MAP3K20: variants seen among roughly 807,000 people sequenced by gnomAD.
The protein encoded by MAP3K20 is mitogen-activated protein kinase kinase kinase 20.
In MAP3K20, 40 loss-of-function variants were observed where a neutral mutation model predicts 85.7. The ratio of observed to expected loss-of-function variants is 0.47; its 90% CI spans 0.36 to 0.61. The LOEUF (loss-of-function observed/expected upper bound fraction) is 0.61. Among genes scored for constraint, MAP3K20 ranks in the 20% least tolerant of loss-of-function variants. The probability of loss-of-function intolerance (pLI) is 0.00; values close to 1 mark genes in which losing one functional copy is unlikely to be tolerated. For synonymous variants in MAP3K20, 325 were observed against 327.7 expected, an observed-to-expected ratio of 0.99 and a Z score of 0.09; for missense variants, 817 against 961.7, an observed-to-expected ratio of 0.85 and a Z score of 1.99.
At chr2:173,262,536 G>C (rs1685321257) in intron 18 of MAP3K20, among the ~76,000 whole-genome samples, 1 of 152,028 alleles carries the variant, frequency 6.6e-6, no homozygotes, top group Non-Finnish European at 1.5e-5. Flanking sequence ...GGATGCAGAA[G>C]TTGTGGTGAG....
At chr2:173,257,690 T>C (rs551212511) in intron 16 of MAP3K20, among the ~76,000 whole-genome samples, 3 of 152,288 alleles carry the variant, frequency 2.0e-5, no homozygotes, top group Admixed American at 6.5e-5. Context: ...TTCTGGGTCA[T>C]AGAATAGGCA....
chr2:173,227,646 C>A (rs550672277), intron 11 of MAP3K20, among the ~76,000 whole-genome samples: 2 of 152,300 alleles, frequency 1.3e-5, no homozygotes, highest in South Asian at 2.1e-4. Flanking sequence ...AACATTAAAA[C>A]CAAAGATTCT....
At chr2:173,176,734 A>G (rs1690171565) in intron 3 of MAP3K20, among the ~76,000 whole-genome samples, 1 of 152,206 alleles carries the variant, frequency 6.6e-6, no homozygotes, top group South Asian at 2.1e-4. Flanking sequence ...AAACACTTCA[A>G]TCAAAAGGCA....
chr2:173,077,785 AAG>A (rs1686907796), intron 1 of MAP3K20, among the ~76,000 whole-genome samples: 1 of 152,258 alleles, frequency 6.6e-6, no homozygotes, highest in African/African-American at 2.4e-5. Flanking sequence ...GGACACAGTA[AAG>A]AGAGAAAAAA....
At position 173,261,068 on chromosome 2, in the gene MAP3K20, A is replaced by G. The variant is rs1300554295; in HGVS notation, c.1482A>G (p.Pro494=). The change falls in exon 18 of 20, where the codon CCA becomes CCG. Residue 494 remains proline, a synonymous_variant. Coordinates refer to ENST00000375213, the MANE Select transcript of MAP3K20 (RefSeq NM_016653.3). ...TCCTAACTTTTGTTTTTCAGCCACC[A>G]TTTGTAATGGAGAAGTGGATTGTAG... is the stretch of plus-strand genomic sequence containing the variant. ...DAEILKMTKP[P]FVMEKWIVGI... 1 of 1,613,426 alleles carries G rather than the reference A, an allele frequency of 6.2e-7. No homozygotes were observed. The highest frequency in any genetic ancestry group is 1.7e-5 in the Admixed American group (1 of 60,000).
rs775907295 is a variant in MAP3K20, at chr2:173,266,716, C to G, written c.2369C>G (p.Ala790Gly). 1 of 1,568,912 alleles carries G rather than the reference C, an allele frequency of 6.4e-7. No individual in the cohort carries two copies. Among genetic ancestry groups the G allele is most frequent in the Non-Finnish European group, 8.6e-7 (1 of 1,158,156 alleles). ...CCCGCCAAAACCAATAAAGAGAGAG[C>G]CAGAGGGGACCACCGTGGATGGAGA... is the stretch of plus-strand genomic sequence containing the variant. ...PSPAKTNKERARGDHRGWRNF is the reference protein window; with the variant it reads ...PSPAKTNKERGRGDHRGWRNF Residue 790 changes from alanine to glycine, a missense_variant, in exon 20 of 20, where the codon GCC becomes GGC. Ala to Gly is a moderately conservative substitution (Grantham distance 60). This residue lies in a region of MAP3K20 where 454 missense variants were observed against 476.9 expected (regional missense o/e 0.95). Coordinates refer to ENST00000375213, the MANE Select transcript of MAP3K20 (RefSeq NM_016653.3).
At chr2:173,235,215 A>C (rs1414565768) in intron 14 of MAP3K20, among the ~76,000 whole-genome samples, 1 of 152,226 alleles carries the variant, frequency 6.6e-6, no homozygotes, top group East Asian at 1.9e-4. Context: ...GTCTGCCAAG[A>C]GGCAGGGGCT....
intron 2 of MAP3K20, among the ~76,000 whole-genome samples, chr2:173,156,200 A>G (rs1689463472): frequency 6.6e-6 from 1 of 152,232 alleles, no homozygotes; most frequent in African/African-American, 2.4e-5. Context: ...GGATTCTTTC[A>G]GCCTTCGTGT....
intron 1 of MAP3K20, among the ~76,000 whole-genome samples, chr2:173,087,538 C>A (rs1348969259): frequency 6.6e-6 from 1 of 152,026 alleles, no homozygotes; most frequent in Non-Finnish European, 1.5e-5. Flanking sequence ...AGTGTCCTAC[C>A]AATGAATGAA....
chr2:173,135,471 G>GT (rs1688774535), intron 2 of MAP3K20, among the ~76,000 whole-genome samples: 1 of 152,234 alleles, frequency 6.6e-6, no homozygotes, highest in East Asian at 1.9e-4. Flanking sequence ...TGAGGAAGAT[G>GT]TGGCTTAACA....
At chr2:173,248,628 T>C (rs541915686) in intron 16 of MAP3K20, among the ~76,000 whole-genome samples, 2 of 152,306 alleles carry the variant, frequency 1.3e-5, no homozygotes, top group African/African-American at 4.8e-5. Context: ...TTGACAGTCC[T>C]GCATACAAGC....
At chr2:173,130,126 C>G (rs1169172968) in intron 2 of MAP3K20, among the ~76,000 whole-genome samples, 1 of 152,196 alleles carries the variant, frequency 6.6e-6, no homozygotes, top group African/African-American at 2.4e-5. Context: ...TATGGTCAAA[C>G]AAGTGCATCT....
chr2:173,212,042 C>T (rs1200104809), intron 10 of MAP3K20: 1 of 152,124 alleles, frequency 6.6e-6, no homozygotes, highest in Non-Finnish European at 1.5e-5. Context: ...ACAGCATTTG[C>T]TCCGTAAATA....
chr2:173,083,079 A>G (rs1439268066), intron 1 of MAP3K20, among the ~76,000 whole-genome samples: 4 of 152,322 alleles, frequency 2.6e-5, no homozygotes, highest in South Asian at 2.1e-4. Flanking sequence ...TATTCTTACC[A>G]TTGCTCTAAC....
chr2:173,125,510 G>GTTT (rs34139392), intron 2 of MAP3K20, among the ~76,000 whole-genome samples: 20 of 149,562 alleles, frequency 1.3e-4, no homozygotes, highest in South Asian at 4.2e-4. Context: ...TGTTAGATGT[G>GTTT]TTTTTTTTTT....
At chr2:173,115,922 G>C (rs552456892) in intron 2 of MAP3K20, among the ~76,000 whole-genome samples, 15 of 151,968 alleles carry the variant, frequency 9.9e-5, no homozygotes, top group Admixed American at 9.8e-4. Context: ...CAGAAACATG[G>C]CTGGGAGGTG....
At chr2:173,233,216 G>A (rs1399060127) in intron 14 of MAP3K20, among the ~76,000 whole-genome samples, 2 of 152,148 alleles carry the variant, frequency 1.3e-5, no homozygotes, top group African/African-American at 4.8e-5. Context: ...GAATCCCTAA[G>A]GACCCCAGAA....
At chr2:173,157,405 C>A (rs961612589) in intron 2 of MAP3K20, among the ~76,000 whole-genome samples, 5 of 151,098 alleles carry the variant, frequency 3.3e-5, no homozygotes, top group South Asian at 2.1e-4. Flanking sequence ...TTTGTGCTGA[C>A]AGAACCCCAA....
chr2:173,221,102 T>C (rs2106320536), intron 11 of MAP3K20: 1 of 1,416,588 alleles, frequency 7.1e-7, no homozygotes, highest in African/African-American at 1.4e-5. Flanking sequence ...TGATTTAAAT[T>C]GGTCCTAATT....
Sources: allele counts gnomAD v4.1 joint callset (sites outside exome capture counted in the v4.1 genomes callset), GRCh38; gene constraint gnomAD v4.1.1; regional missense constraint gnomAD v4.1.1; transcripts MANE v1.5; gene names NCBI Gene and HGNC (gene_info 2026-07-23, HGNC 2026-07-21).